Variants in ITIH3 observed in about 807,000 individuals in gnomAD.
The protein encoded by ITIH3 is inter-alpha-trypsin inhibitor heavy chain H3.
ITIH3 carries 81 observed loss-of-function variants against 96.5 expected under a neutral mutation model. The ratio of observed to expected loss-of-function variants is 0.84; its 90% CI spans 0.70 to 1.01. The LOEUF is 1.01. ITIH3 is among the 50% of genes least tolerant of loss of function. The pLI is 0.00. For synonymous variants in ITIH3, 422 were observed against 445.2 expected (o/e 0.95, Z 0.66); for missense variants, 1,057 against 1,139.3 (o/e 0.93, Z 1.04).
intron 13 of ITIH3, among the ~76,000 whole-genome samples, chr3:52,803,303 TTTATTTTATTTTATTATTATTA>T (rs1239807800): frequency 3.3e-4 from 40 of 122,420 alleles, no homozygotes; most frequent in African/African-American, 1.1e-3. Context: ...TATTTATTTA[TTTATTTTATTTTATTATTATTA>T]TTTTTTTTTT....
Position 52,796,630 on chromosome 3 carries a change from C to T in ITIH3, c.264C>T (p.Phe88=), listed in dbSNP as rs564739221. 6.6e-5 allele frequency: 106 copies of T among 1,612,794 alleles called. No homozygotes were observed. The South Asian group carries it at 1.1e-3, about 17-fold the overall frequency. ...ATGTGGAGCTGCCCAAGACGGCCTT[C>T]ATCACCAACTTCACCTTGTGGGTAC... ...SFDVELPKTA[F]ITNFTLTIDG... The change falls in exon 3 of 22, where the codon TTC becomes TTT. Residue 88 remains phenylalanine, a synonymous_variant. Coordinates refer to ENST00000449956, the MANE Select transcript of ITIH3 (RefSeq NM_002217.4).
rs771363941 is a variant in ITIH3 at position 52,808,648 on chromosome 3, C to G, written c.2640C>G (p.Val880=). 2 of 1,613,566 alleles carry G rather than the reference C, an allele frequency of 1.2e-6. No homozygotes were observed. Among genetic ancestry groups the G allele is most frequent in the Non-Finnish European group, 1.7e-6 (2 of 1,179,634 alleles). ...HNNGEGLIDG[V]HTDYIVPNLF is the part of the protein sequence containing the mutation. ...ACGGAGAAGGGCTGATTGATGGTGT[C>G]CACACTGACTACATTGTCCCCAACC... The change falls in exon 22 of 22, where the codon GTC becomes GTG. Residue 880 remains valine (V), a synonymous_variant. Transcript: ENST00000449956.
Position 52,799,994 on chromosome 3 carries a change from CT to C in ITIH3, c.1075+74del. 9 of 1,408,746 alleles carry C rather than the reference CT, an allele frequency of 6.4e-6. No homozygotes were observed. In the Middle Eastern group the frequency reaches 7.4e-4, roughly 116 times the overall value. The allele number at this position is 1,408,746 out of a possible 1,614,324, so 87.3% of individuals were successfully genotyped here. A position where few individuals can be genotyped will look rare whatever the true frequency, so the allele number is the denominator to read the frequency against. On this transcript the variant is annotated intron_variant, in intron 9 of 21. Transcript: ENST00000449956. Reference sequence around the variant, plus strand: ...TGTCCCTGAGCAGCCTGCAACCCCCCTCTTAGGGACTCTGCTGGTCTCAGGC... The same window carrying C: ...TGTCCCTGAGCAGCCTGCAACCCCCCCTTAGGGACTCTGCTGGTCTCAGGC...
At chr3:52,804,338 A>G (rs1699960280) in intron 14 of ITIH3, 2 of 431,074 alleles carry the variant, frequency 4.6e-6, no homozygotes, top group South Asian at 3.1e-5. Flanking sequence ...TCCAACATGA[A>G]AGGCCTGGAG....
At chr3:52,808,059 T>C (rs1208578777) in intron 20 of ITIH3, 51 bp from the exon 21 acceptor site, 1 of 1,584,214 alleles carries the variant, frequency 6.3e-7, no homozygotes, top group Non-Finnish European at 8.7e-7. Context: ...AGTGGCCACG[T>C]TACCCGTGGC....
In ITIH3 at chr3:52,802,733, C is replaced by G. The variant is rs756947652; in HGVS notation, c.1636C>G (p.Arg546Gly). ...GGAGATGGAGAAGGCCCTGCAGGAG[C>G]GGGACTACATCTTCGGGAATTACAT... Reference protein sequence around the residue: ...MKEMEKALQERDYIFGNYIER... With the variant: ...MKEMEKALQEGDYIFGNYIER... The change falls in exon 13 of 22, where the codon CGG becomes GGG. Residue 546 changes from arginine to glycine, a missense_variant. Transcript: ENST00000449956. 1 of 1,613,916 alleles carries G rather than the reference C, an allele frequency of 6.2e-7. No individual in the cohort carries two copies. Among genetic ancestry groups the G allele is most frequent in the Admixed American group, 1.7e-5 (1 of 60,028 alleles).
In ITIH3 at chr3:52,799,911, G is replaced by A. The variant is rs1699755739; in HGVS notation, c.1065G>A (p.Glu355=). Reference sequence around the variant, plus strand: ...CCAGGACGTTTGTGAAGAGCATGGAGGATAAAGGAAGTAAGAGCGGAGCTG... The same window carrying A: ...CCAGGACGTTTGTGAAGAGCATGGAAGATAAAGGAAGTAAGAGCGGAGCTG... ...QEARTFVKSM[E]DKGMTNINDG... is the part of the protein sequence containing the mutation. The change falls in exon 9 of 22, where the codon GAG becomes GAA. Residue 355 remains glutamate, a synonymous_variant. Coordinates refer to ENST00000449956, the MANE Select transcript of ITIH3 (RefSeq NM_002217.4). The A allele has an allele frequency of 6.2e-7, 1 of 1,613,468 alleles. No homozygotes were observed. Among genetic ancestry groups the A allele is most frequent in the Non-Finnish European group, 8.5e-7 (1 of 1,179,684 alleles).
chr3:52,807,720 C>T (rs1031812769), intron 19 of ITIH3, 27 bp from the exon 20 acceptor site: 3 of 1,592,842 alleles, frequency 1.9e-6, no homozygotes, highest in Non-Finnish European at 2.6e-6. Flanking sequence ...CTGGGCCCCA[C>T]AGCCACTTTC....
chr3:52,806,609 G>A (rs1316228190), intron 18 of ITIH3, among the ~76,000 whole-genome samples: 3 of 152,226 alleles, frequency 2.0e-5, no homozygotes, highest in South Asian at 2.1e-4. Flanking sequence ...GATGATTAGC[G>A]TGAATGGACC....
chr3:52,795,643 G>A lies in ITIH3; in HGVS notation c.114+20G>A. On this transcript the variant is annotated intron_variant, in intron 2 of 21. Transcript: ENST00000449956. The stretch of plus-strand genomic sequence containing the variant: ...GAAGGGGTAAGAACTTTCACCAGGG[G>A]GTGGGACCGAGTGGGGCAGGGCAGG... 1 of 1,611,196 alleles carries A rather than the reference G, an allele frequency of 6.2e-7. No homozygotes were observed. The highest frequency in any genetic ancestry group is 8.5e-7 in the Non-Finnish European group (1 of 1,178,494).
At chr3:52,804,363 C>G (rs1311475379) in intron 14 of ITIH3, 10 of 433,072 alleles carry the variant, frequency 2.3e-5, no homozygotes, top group Non-Finnish European at 4.2e-5. Context: ...CTATCAGGCA[C>G]CTGGAGATTG....
At chr3:52,806,823 G>T in intron 18 of ITIH3, 78 bp from the exon 19 acceptor site, 1 of 1,193,752 alleles carries the variant, frequency 8.4e-7, no homozygotes, top group Non-Finnish European at 1.2e-6. Flanking sequence ...TCTGGTTGAA[G>T]AGGAAGGCAC....
intron 4 of ITIH3, 42 bp downstream of exon 4, chr3:52,796,885 C>G (rs1459743864): frequency 7.2e-7 from 1 of 1,394,322 alleles, no homozygotes; most frequent in Non-Finnish European, 9.9e-7. Flanking sequence ...TGTCTGGGAT[C>G]CAAGGGCCTT....
intron 14 of ITIH3, 156 bp downstream of exon 14, chr3:52,804,165 G>A: frequency 1.4e-6 from 1 of 724,434 alleles, no homozygotes; most frequent in Non-Finnish European, 2.3e-6. Flanking sequence ...AAAGTGGGGT[G>A]GAGCGTGAAG....
intron 10 of ITIH3, 89 bp from the exon 11 acceptor site, chr3:52,800,876 A>G: frequency 6.5e-7 from 1 of 1,549,602 alleles, no homozygotes; most frequent in East Asian, 2.2e-5. Context: ...GCAACTCTGC[A>G]TGTGCAGGAG....
intron 13 of ITIH3, 129 bp downstream of exon 13, chr3:52,802,935 C>G: frequency 9.2e-7 from 1 of 1,083,550 alleles, no homozygotes; most frequent in South Asian, 1.6e-5. Flanking sequence ...GTAGAGCAGT[C>G]TGTAAGGAAC....
In ITIH3 at chr3:52,808,600, T is replaced by G; in HGVS notation, c.2592T>G (p.Val864=). 1 of 1,614,022 alleles carries G rather than the reference T, an allele frequency of 6.2e-7. No individual in the cohort carries two copies. The highest frequency in any genetic ancestry group is 8.5e-7 in the Non-Finnish European group (1 of 1,179,880). The change falls in exon 22 of 22, where the codon GTT becomes GTG. Residue 864 remains valine (V), a synonymous_variant. Coordinates refer to ENST00000449956, the MANE Select transcript of ITIH3 (RefSeq NM_002217.4). ...AGGATGCCAGCATCGGCACGAAGGT[T>G]GTCTGCTGGTTCGTCCACAACAACG... The part of the protein sequence containing the change: ...YRKDASIGTK[V]VCWFVHNNGE...
At chr3:52,799,706 C>T in intron 8 of ITIH3, 47 bp from the exon 9 acceptor site, 1 of 1,550,854 alleles carries the variant, frequency 6.4e-7, no homozygotes, top group Non-Finnish European at 8.7e-7. Context: ...TGAGAAGGGA[C>T]CTCACTCTCT....
In ITIH3 at chr3:52,808,721, T is replaced by A. The variant is rs1374251316; in HGVS notation, c.*40T>A. ...TCCTGTTGGGATGGATGGCCCGGAT[T>A]TTATGGCATCTGGAACATGGGCACA... On this transcript the variant is annotated 3_prime_UTR_variant, in exon 22 of 22. Transcript: ENST00000449956. 1 of 1,589,720 alleles carries A rather than the reference T, an allele frequency of 6.3e-7. No homozygotes were observed. The highest frequency in any genetic ancestry group is 1.3e-5 in the African/African-American group (1 of 74,512).
Sources: gnomAD v4.1 joint callset for allele counts (sites outside exome capture counted in the v4.1 genomes callset) on GRCh38, gnomAD v4.1.1 for gene constraint, MANE v1.5 for transcripts, NCBI Gene and HGNC (gene_info 2026-07-23, HGNC 2026-07-21) for gene names.